Variants in LHFPL6 observed in about 807,000 individuals in gnomAD.
LHFPL6 encodes LHFPL tetraspan subfamily member 6 protein.
Under a neutral mutation model 20.6 loss-of-function variants are expected in LHFPL6, and 9 were observed. That is an observed-to-expected ratio of 0.44 (90% confidence interval 0.26 to 0.76). The LOEUF (loss-of-function observed/expected upper bound fraction) is 0.76. LHFPL6 is among the 30% of genes least tolerant of loss of function. LHFPL6 has a pLI of 0.20. For missense variants in LHFPL6, 218 were observed against 253.5 expected (o/e 0.86, Z 0.95); for synonymous variants, 105 against 98.7 (o/e 1.06, Z -0.38).
chr13:39,362,841 A>G (rs1028193874), intron 3 of LHFPL6, among the ~76,000 whole-genome samples: 1 of 152,216 alleles, frequency 6.6e-6, no homozygotes, highest in Non-Finnish European at 1.5e-5. Flanking sequence ...GAATCATACA[A>G]TGTTCCCGTG....
At chr13:39,522,951 A>G (rs1870158193) in intron 2 of LHFPL6, among the ~76,000 whole-genome samples, 1 of 152,230 alleles carries the variant, frequency 6.6e-6, no homozygotes, top group Admixed American at 6.5e-5. Flanking sequence ...TGAAACTAAC[A>G]TGGTTGGAAT....
At chr13:39,594,428 T>C (rs1020866858) in intron 2 of LHFPL6, among the ~76,000 whole-genome samples, 5 of 152,122 alleles carry the variant, frequency 3.3e-5, no homozygotes, top group African/African-American at 7.2e-5. Context: ...TATCATCTCA[T>C]ACCAGTTAGA....
At chr13:39,586,781 C>T (rs1351955823) in intron 2 of LHFPL6, among the ~76,000 whole-genome samples, 3 of 152,182 alleles carry the variant, frequency 2.0e-5, no homozygotes, top group African/African-American at 7.2e-5. Flanking sequence ...CCAAGCCAAT[C>T]CTCACTGCTA....
intron 2 of LHFPL6, among the ~76,000 whole-genome samples, chr13:39,583,888 C>T (rs1252042488): frequency 1.3e-5 from 2 of 152,042 alleles, no homozygotes; most frequent in African/African-American, 4.8e-5. Flanking sequence ...TAGTGTGCCT[C>T]GAAGGCAACT....
intron 2 of LHFPL6, among the ~76,000 whole-genome samples, chr13:39,515,817 T>C (rs924166677): frequency 1.2e-4 from 18 of 152,044 alleles, no homozygotes; most frequent in African/African-American, 4.1e-4. Flanking sequence ...CATTATTAAC[T>C]AAGAGAGGAG....
chr13:39,493,689 C>A (rs1470056594), intron 2 of LHFPL6, among the ~76,000 whole-genome samples: 5 of 152,170 alleles, frequency 3.3e-5, no homozygotes, highest in African/African-American at 1.2e-4. Flanking sequence ...TCTACCCCAG[C>A]CTTCCCACAT....
rs1869318135 is a variant in LHFPL6, at chr13:39,343,851, CA to C, written c.*84del. On this transcript the variant is annotated 3_prime_UTR_variant, in exon 4 of 4. Transcript: ENST00000379589. ...TTGTATTGGATTAGAACTACTATCC[CA>C]CCTTTTGAAGGTAGGTGGATGTTTT... The C allele has an allele frequency of 5.4e-6, 5 of 923,428 alleles. No homozygotes were observed. In the South Asian group the frequency reaches 7.6e-5, roughly 14 times the overall value. The allele number at this position is 923,428 out of a possible 1,614,324, so 57.2% of individuals were successfully genotyped here.
At chr13:39,481,815 G>C (rs1458537767) in intron 2 of LHFPL6, among the ~76,000 whole-genome samples, 1 of 152,178 alleles carries the variant, frequency 6.6e-6, no homozygotes, top group South Asian at 2.1e-4. Context: ...CAACAGGAGT[G>C]TGATATCATC....
chr13:39,464,117 G>T (rs1872746435), intron 2 of LHFPL6, among the ~76,000 whole-genome samples: 1 of 152,168 alleles, frequency 6.6e-6, no homozygotes, highest in African/African-American at 2.4e-5. Flanking sequence ...AAGTAGGTCT[G>T]TGACTTACAT....
chr13:39,546,981 C>T (rs1407237731), intron 2 of LHFPL6, among the ~76,000 whole-genome samples: 1 of 152,032 alleles, frequency 6.6e-6, no homozygotes, highest in Non-Finnish European at 1.5e-5. Flanking sequence ...TCAGACTCTG[C>T]CTCTGCCTCT....
At chr13:39,502,207 C>T (rs746096423) in intron 2 of LHFPL6, among the ~76,000 whole-genome samples, 4 of 152,210 alleles carry the variant, frequency 2.6e-5, no homozygotes, top group Non-Finnish European at 5.9e-5. Context: ...GGTTAAGTAG[C>T]TTGGCCAATG....
chr13:39,551,283 C>T (rs1871139243), intron 2 of LHFPL6, among the ~76,000 whole-genome samples: 1 of 152,018 alleles, frequency 6.6e-6, no homozygotes, highest in Non-Finnish European at 1.5e-5. Flanking sequence ...TGGTGGGTGG[C>T]AGAAGTGAGT....
chr13:39,425,106 T>C (rs1168325036), intron 2 of LHFPL6, among the ~76,000 whole-genome samples: 2 of 152,150 alleles, frequency 1.3e-5, no homozygotes, highest in Admixed American at 1.3e-4. Flanking sequence ...CAACTATGGA[T>C]TGCTTTCAAT....
intron 2 of LHFPL6, among the ~76,000 whole-genome samples, chr13:39,454,795 T>C (rs1298490662): frequency 6.6e-6 from 1 of 152,238 alleles, no homozygotes; most frequent in Admixed American, 6.5e-5. Context: ...TGAATTATTA[T>C]ACATATTCAT....
chr13:39,481,010 T>C (rs1868492720), intron 2 of LHFPL6, among the ~76,000 whole-genome samples: 1 of 152,234 alleles, frequency 6.6e-6, no homozygotes, highest in East Asian at 1.9e-4. Flanking sequence ...TATTTATAAG[T>C]CTACAGATGA....
At chr13:39,525,404 AT>A (rs1276912402) in intron 2 of LHFPL6, among the ~76,000 whole-genome samples, 1 of 152,158 alleles carries the variant, frequency 6.6e-6, no homozygotes, top group Non-Finnish European at 1.5e-5. Flanking sequence ...TCATAAAAAT[AT>A]CTTTTGTCGT....
At chr13:39,544,729 A>G (rs1426090224) in intron 2 of LHFPL6, among the ~76,000 whole-genome samples, 1 of 152,174 alleles carries the variant, frequency 6.6e-6, no homozygotes, top group Admixed American at 6.5e-5. Context: ...AAAAGTAGAC[A>G]TACTAAAATA....
intron 2 of LHFPL6, among the ~76,000 whole-genome samples, chr13:39,383,805 C>T (rs2138364578): frequency 6.6e-6 from 1 of 152,322 alleles, no homozygotes; most frequent in African/African-American, 2.4e-5. Context: ...ACTGGTATTC[C>T]ACATTCACAC....
chr13:39,460,813 C>A (rs547155553), intron 2 of LHFPL6, among the ~76,000 whole-genome samples: 1 of 152,120 alleles, frequency 6.6e-6, no homozygotes, highest in East Asian at 1.9e-4. Context: ...TTCATCTGTG[C>A]GTGTTTTTTT....
Sources: allele counts gnomAD v4.1 joint callset (sites outside exome capture counted in the v4.1 genomes callset), GRCh38; gene constraint gnomAD v4.1.1; transcripts MANE v1.5; gene names NCBI Gene and HGNC (gene_info 2026-07-23, HGNC 2026-07-21).